WDPCP: variants seen among roughly 807,000 people sequenced by gnomAD.
WDPCP encodes the protein WD repeat containing planar cell polarity effector, also known as WD repeat-containing and planar cell polarity effector protein fritz homolog.
WDPCP carries 71 observed loss-of-function variants against 93.1 expected under a neutral mutation model. That is an observed-to-expected ratio of 0.76 (90% CI 0.63 to 0.93). The LOEUF (loss-of-function observed/expected upper bound fraction) is 0.93, where lower values mean the gene tolerates loss of function less well. WDPCP is among the 40% of genes least tolerant of loss of function. WDPCP has a pLI of 0.00. For missense variants in WDPCP, 844 were observed against 887.4 expected, an observed-to-expected ratio of 0.95 and a Z score of 0.62; for synonymous variants, 315 against 315.0, an observed-to-expected ratio of 1.00 and a Z score of 0.00.
intron 14 of WDPCP, among the ~76,000 whole-genome samples, chr2:63,189,299 T>A (rs1278998376): frequency 6.6e-6 from 1 of 152,190 alleles, no homozygotes; most frequent in East Asian, 1.9e-4. Flanking sequence ...TGGACTTAAG[T>A]TTCACTCTAT....
chr2:63,378,305 TATGGAATATTTTAATTA>T, intron 12 of WDPCP, 64 bp downstream of exon 12: 1 of 1,587,234 alleles, frequency 6.3e-7, no homozygotes, highest in Non-Finnish European at 8.6e-7. Context: ...ATAGCCTTAC[TATGGAATATTTTAATTA>T]AAGAGGATGT....
At chr2:63,620,462 T>C (rs1238114378) in intron 3 of WDPCP, among the ~76,000 whole-genome samples, 1 of 152,216 alleles carries the variant, frequency 6.6e-6, no homozygotes, top group African/African-American at 2.4e-5. Flanking sequence ...GTAACCAGAC[T>C]GCCTCTCTAG....
At chr2:63,698,835 T>G (rs1457182335) in intron 2 of WDPCP, among the ~76,000 whole-genome samples, 1 of 152,218 alleles carries the variant, frequency 6.6e-6, no homozygotes, top group Non-Finnish European at 1.5e-5. Flanking sequence ...AGAAGAATCC[T>G]GTTGCAGACA....
intron 13 of WDPCP, among the ~76,000 whole-genome samples, chr2:63,307,527 G>A (rs867695489): frequency 5.3e-5 from 8 of 152,128 alleles, no homozygotes; most frequent in Non-Finnish European, 1.2e-4. Context: ...GCGTGGTACT[G>A]GTACCAAAAA....
At chr2:63,688,181 C>T (rs1668837409) in intron 2 of WDPCP, among the ~76,000 whole-genome samples, 1 of 152,122 alleles carries the variant, frequency 6.6e-6, no homozygotes, top group African/African-American at 2.4e-5. Flanking sequence ...AATCCTAGCA[C>T]TTTGGGAGGC....
chr2:63,470,961 T>A (rs1224022700), intron 6 of WDPCP, among the ~76,000 whole-genome samples: 1 of 152,122 alleles, frequency 6.6e-6, no homozygotes, highest in African/African-American at 2.4e-5. Flanking sequence ...CTCACTTCCT[T>A]CATATCTTAA....
chr2:63,452,606 T>G (rs1340064488), intron 6 of WDPCP, among the ~76,000 whole-genome samples: 1 of 152,182 alleles, frequency 6.6e-6, no homozygotes, highest in Non-Finnish European at 1.5e-5. Flanking sequence ...AAAGTTCATA[T>G]GGAACCAAAA....
chr2:63,424,267 A>G (rs2421890), intron 9 of WDPCP, among the ~76,000 whole-genome samples: 59,852 of 123,226 alleles, frequency 0.49, 14,279 homozygotes, highest in African/African-American at 0.6. Flanking sequence ...CGGGGGTGGG[A>G]GAGGGGGTGT....
In WDPCP at chr2:63,173,166, G is replaced by A. The variant is rs969438841; in HGVS notation, c.2078+1504C>T. Among the ~76,000 whole-genome samples, 29 of 152,004 alleles carry A rather than the reference G, an allele frequency of 1.9e-4. 1 individual carries two copies. Among genetic ancestry groups the A allele is most frequent in the Admixed American group, 1.6e-3 (25 of 15,264 alleles). ...ACCTGTAATCCCAGCTACTATGGAGGGTGAAGCAGGAGAGTCGCGTGAACC... is the reference window on the plus strand; with the variant it reads ...ACCTGTAATCCCAGCTACTATGGAGAGTGAAGCAGGAGAGTCGCGTGAACC... On this transcript the variant is annotated intron_variant, in intron 15 of 17. Transcript: ENST00000272321.
chr2:63,755,482 C>G (rs565212045), intron 2 of WDPCP, among the ~76,000 whole-genome samples: 63 of 152,234 alleles, frequency 4.1e-4, no homozygotes, highest in African/African-American at 1.4e-3. Context: ...GCAGCTTCTG[C>G]TACAATTGGG....
intron 10 of WDPCP, among the ~76,000 whole-genome samples, chr2:63,393,995 T>C (rs1408740872): frequency 6.6e-6 from 1 of 152,196 alleles, no homozygotes; most frequent in African/African-American, 2.4e-5. Context: ...GAAATACCAT[T>C]TGGGCACAGG....
chr2:63,710,960 A>C (rs1669253515), intron 2 of WDPCP, among the ~76,000 whole-genome samples: 1 of 152,212 alleles, frequency 6.6e-6, no homozygotes, highest in African/African-American at 2.4e-5. Flanking sequence ...TGCAACATCA[A>C]GCTTCTATTT....
intron 1 of WDPCP, among the ~76,000 whole-genome samples, chr2:63,536,054 A>C (rs1175557110): frequency 6.6e-6 from 1 of 152,252 alleles, no homozygotes; most frequent in African/African-American, 2.4e-5. Context: ...TGGGCGAAGG[A>C]TATTAACAGA....
chr2:63,635,372 G>T lies in WDPCP; in HGVS notation n.488+15287C>A, dbSNP rs2106634288. 1.3e-5 allele frequency among the ~76,000 whole-genome samples: 2 copies of T among 152,224 alleles called. 1 individual carries two copies. Among genetic ancestry groups the T allele is most frequent in the Middle Eastern group, 6.8e-3 (2 of 294 alleles). ...GAGAACACTTCCAACCTCATTTTAT[G>T]AAGCCAGCATTACCTTAATACCTAA... On this transcript the variant is annotated intron_variant and non_coding_transcript_variant, in intron 3 of 4. Coordinates refer to the WDPCP transcript ENST00000467687.
chr2:63,288,515 A>AT (rs1684176645), intron 13 of WDPCP, among the ~76,000 whole-genome samples: 1 of 152,214 alleles, frequency 6.6e-6, no homozygotes, highest in Non-Finnish European at 1.5e-5. Context: ...GAAAATTTAT[A>AT]TTTTTTAAGT....
intron 12 of WDPCP, among the ~76,000 whole-genome samples, chr2:63,316,545 C>T (rs1169755140): frequency 1.3e-5 from 2 of 151,990 alleles, no homozygotes; most frequent in African/African-American, 2.4e-5. Flanking sequence ...CCCAGCTACT[C>T]AGGAGGCTGA....
intron 1 of WDPCP, chr2:63,571,260 T>C (rs1331839708): frequency 2.5e-6 from 1 of 398,200 alleles, no homozygotes; most frequent in East Asian, 7.1e-5. Flanking sequence ...ATGTGTAAAA[T>C]AAATCAGTGT....
chr2:63,530,029 TG>T (rs1703703923), intron 1 of WDPCP, among the ~76,000 whole-genome samples: 1 of 152,242 alleles, frequency 6.6e-6, no homozygotes, highest in African/African-American at 2.4e-5. Flanking sequence ...TGTATTTCTG[TG>T]GGATCGGTGG....
At chr2:63,258,961 T>G (rs964190281) in intron 14 of WDPCP, among the ~76,000 whole-genome samples, 4 of 152,130 alleles carry the variant, frequency 2.6e-5, no homozygotes, top group African/African-American at 9.7e-5. Flanking sequence ...GACATGTCTG[T>G]GTATAAATAA....
Sources: gnomAD v4.1 joint callset for allele counts (sites outside exome capture counted in the v4.1 genomes callset) on GRCh38, gnomAD v4.1.1 for gene constraint, MANE v1.5 for transcripts, NCBI Gene and HGNC (gene_info 2026-07-23, HGNC 2026-07-21) for gene names.